The following CDH12 variants were observed in gnomAD, a reference collection of about 807,000 sequenced individuals.
The protein encoded by CDH12 is cadherin-12.
In CDH12, 41 loss-of-function variants were observed where a neutral mutation model predicts 74.1. The ratio of observed to expected loss-of-function variants is 0.55; its 90% CI spans 0.43 to 0.72. The LOEUF (loss-of-function observed/expected upper bound fraction) is 0.72. CDH12 is among the 30% of genes least tolerant of loss of function. The pLI, the probability that CDH12 is intolerant of heterozygous loss-of-function variation, is 0.00. For synonymous variants in CDH12, 399 were observed against 355.0 expected, an observed-to-expected ratio of 1.12 and a Z score of -1.39; for missense variants, 945 against 977.2, an observed-to-expected ratio of 0.97 and a Z score of 0.44.
chr5:22,609,320 C>T (rs144874711), intron 1 of CDH12, among the ~76,000 whole-genome samples: 254 of 152,250 alleles, frequency 1.7e-3, no homozygotes, highest in Middle Eastern at 0.01. Context: ...TTTTCTTTGG[C>T]ATCCTAGGGA....
chr5:21,947,443 GAGA>G (rs4028779), intron 6 of CDH12, among the ~76,000 whole-genome samples: 3 of 152,176 alleles, frequency 2.0e-5, no homozygotes, highest in South Asian at 2.1e-4. Context: ...GTCTTGGATG[GAGA>G]AGAAGAACTC....
rs112607661 is a variant in CDH12, at chr5:22,592,334, C to A, written c.-522-86970G>T. Among the ~76,000 whole-genome samples, 852 of 152,198 alleles carry A rather than the reference C, an allele frequency of 5.6e-3. 8 individuals are homozygous for A. Among genetic ancestry groups the A allele is most frequent in the African/African-American group, 0.02 (818 of 41,532 alleles). On this transcript the variant is annotated intron_variant, in intron 1 of 14. Transcript: ENST00000382254. ...ACCAAAGTGCAAACAGTAATGTTTTCTTCTTTCCTCTCTTCTCTCAAAACT... is the reference window on the plus strand; with the variant it reads ...ACCAAAGTGCAAACAGTAATGTTTTATTCTTTCCTCTCTTCTCTCAAAACT...
At chr5:21,912,794 T>C (rs1753918718) in intron 6 of CDH12, among the ~76,000 whole-genome samples, 1 of 152,028 alleles carries the variant, frequency 6.6e-6, no homozygotes. Flanking sequence ...AAATTTTGAA[T>C]AATAGTTTTA....
chr5:22,306,864 T>C (rs1036433974), intron 3 of CDH12, among the ~76,000 whole-genome samples: 2 of 152,206 alleles, frequency 1.3e-5, no homozygotes, highest in Non-Finnish European at 2.9e-5. Context: ...GATCTTACAG[T>C]TTTAAAATCA....
Position 22,101,923 on chromosome 5 carries a change from C to T in CDH12, c.-186-23061G>A, listed in dbSNP as rs554486425. On this transcript the variant is annotated intron_variant, in intron 4 of 14. Coordinates refer to ENST00000382254, the MANE Select transcript of CDH12 (RefSeq NM_004061.5). ...TATTCAACTCTGCCATTGTAGCTCACAAGAAGTCATAACCAATATGTAACC... is the reference window on the plus strand; with the variant it reads ...TATTCAACTCTGCCATTGTAGCTCATAAGAAGTCATAACCAATATGTAACC... Among the ~76,000 whole-genome samples the T allele has an allele frequency of 2.6e-5, 4 of 152,204 alleles. 1 individual carries two copies. The highest frequency in any genetic ancestry group is 1.3e-4 in the Admixed American group (2 of 15,292).
intron 1 of CDH12, among the ~76,000 whole-genome samples, chr5:22,740,973 T>C (rs1294709956): frequency 6.6e-6 from 1 of 152,052 alleles, no homozygotes; most frequent in Non-Finnish European, 1.5e-5. Context: ...TTAGAAACAA[T>C]AGGGGATTTC....
chr5:22,597,602 T>C (rs899383576), intron 1 of CDH12, among the ~76,000 whole-genome samples: 6 of 152,198 alleles, frequency 3.9e-5, no homozygotes, highest in Non-Finnish European at 7.4e-5. Context: ...TGAAATTTCC[T>C]AATCTGTTTG....
At chr5:22,001,143 A>G (rs1028928006) in intron 5 of CDH12, among the ~76,000 whole-genome samples, 1 of 152,166 alleles carries the variant, frequency 6.6e-6, no homozygotes, top group Non-Finnish European at 1.5e-5. Context: ...TCAGAACATT[A>G]AATCATAAGA....
intron 5 of CDH12, among the ~76,000 whole-genome samples, chr5:22,068,822 CATAA>C (rs554923341): frequency 6.6e-6 from 1 of 152,196 alleles, no homozygotes; most frequent in Non-Finnish European, 1.5e-5. Flanking sequence ...TCAACGTGCT[CATAA>C]ATAAAGGGGC....
chr5:22,833,913 T>C (rs1736718781), intron 1 of CDH12, among the ~76,000 whole-genome samples: 1 of 152,186 alleles, frequency 6.6e-6, no homozygotes, highest in East Asian at 1.9e-4. Flanking sequence ...CCCTTAGAAA[T>C]AACCACTCTA....
chr5:22,240,337 C>T (rs998197520), intron 3 of CDH12, among the ~76,000 whole-genome samples: 5 of 152,062 alleles, frequency 3.3e-5, no homozygotes, highest in South Asian at 4.1e-4. Flanking sequence ...TGTAACTACT[C>T]TCATGTCCTT....
rs548503075 is a variant in CDH12, at chr5:22,375,172, A to G, written c.-333+30085T>C. On this transcript the variant is annotated intron_variant, in intron 3 of 14. Coordinates refer to ENST00000382254, the MANE Select transcript of CDH12 (RefSeq NM_004061.5). ...AGTATTTACGTCCAACTGATTTTTGACAAATATGCCAAGAACAATTCTGAG... is the reference window on the plus strand; with the variant it reads ...AGTATTTACGTCCAACTGATTTTTGGCAAATATGCCAAGAACAATTCTGAG... Among the ~76,000 whole-genome samples the G allele has an allele frequency of 3.3e-5, 5 of 152,252 alleles. No individual in the cohort carries two copies. In the East Asian group the frequency reaches 9.6e-4, roughly 29 times the overall value.
intron 2 of CDH12, among the ~76,000 whole-genome samples, chr5:22,500,013 C>T (rs566228521): frequency 2.1e-4 from 32 of 152,030 alleles, no homozygotes; most frequent in Non-Finnish European, 3.4e-4. Flanking sequence ...TCATGATCGT[C>T]CTTGAATAAC....
chr5:22,813,068 CAGG>C (rs781755506), intron 1 of CDH12, among the ~76,000 whole-genome samples: 6 of 152,102 alleles, frequency 3.9e-5, no homozygotes, highest in Non-Finnish European at 5.9e-5. Flanking sequence ...TTTATAAATT[CAGG>C]AGTAGGTCCA....
intron 3 of CDH12, among the ~76,000 whole-genome samples, chr5:22,284,331 A>G (rs531845619): frequency 3.5e-4 from 54 of 152,270 alleles, no homozygotes; most frequent in Middle Eastern, 3.4e-3. Context: ...TTTAGGTCAG[A>G]GGTCTAGGCA....
chr5:22,235,863 G>A (rs1261363051), intron 3 of CDH12, among the ~76,000 whole-genome samples: 1 of 152,154 alleles, frequency 6.6e-6, no homozygotes, highest in Non-Finnish European at 1.5e-5. Flanking sequence ...ACATCACAGT[G>A]TGCACCACAG....
At chr5:22,115,538 T>C (rs1022804056) in intron 4 of CDH12, among the ~76,000 whole-genome samples, 1 of 152,164 alleles carries the variant, frequency 6.6e-6, no homozygotes, top group Non-Finnish European at 1.5e-5. Flanking sequence ...AAATATACAT[T>C]GGCTATAGTA....
At chr5:22,151,395 T>A (rs1747573161) in intron 4 of CDH12, among the ~76,000 whole-genome samples, 1 of 152,224 alleles carries the variant, frequency 6.6e-6, no homozygotes, top group Non-Finnish European at 1.5e-5. Context: ...CTTAATAGGC[T>A]TATGATAGTA....
At chr5:21,952,945 T>G (rs1755929678) in intron 6 of CDH12, among the ~76,000 whole-genome samples, 1 of 152,042 alleles carries the variant, frequency 6.6e-6, no homozygotes, top group African/African-American at 2.4e-5. Context: ...CTAAAATATA[T>G]TTCTTTGATG....
Sources: gnomAD v4.1 joint callset for allele counts (sites outside exome capture counted in the v4.1 genomes callset) on GRCh38, gnomAD v4.1.1 for gene constraint, MANE v1.5 for transcripts, NCBI Gene and HGNC (gene_info 2026-07-23, HGNC 2026-07-21) for gene names.